Variants in GPR158 observed in about 807,000 individuals in gnomAD.
GPR158 encodes the protein G protein-coupled receptor 158.
A neutral mutation model predicts 78.2 loss-of-function variants in GPR158; 30 were observed. The ratio of observed to expected loss-of-function variants is 0.38; its 90% CI spans 0.29 to 0.52. The LOEUF (loss-of-function observed/expected upper bound fraction) is 0.52. GPR158 is among the 20% of genes least tolerant of loss of function. The pLI is 0.83. For synonymous variants in GPR158, 581 were observed against 591.1 expected, an observed-to-expected ratio of 0.98 and a Z score of 0.25; for missense variants, 1,463 against 1,523.5, an observed-to-expected ratio of 0.96 and a Z score of 0.66.
chr10:25,365,520 T>A lies in GPR158; in HGVS notation c.1009-30391T>A, dbSNP rs1229102681. 3.3e-5 allele frequency among the ~76,000 whole-genome samples: 5 copies of A among 151,700 alleles called. No individual in the cohort carries two copies. In the East Asian group the frequency reaches 9.7e-4, roughly 29 times the overall value. On this transcript the variant is annotated intron_variant, in intron 2 of 10. Transcript: ENST00000376351. The stretch of plus-strand genomic sequence containing the variant: ...CAAGTATTTGGTGCATGCAAACACA[T>A]TCTGAGTTTTGCATAATTCTTATAT...
chr10:25,194,101 TCAAGCTGGAGGCTGG>T (rs1356295679), intron 1 of GPR158, among the ~76,000 whole-genome samples: 2 of 152,194 alleles, frequency 1.3e-5, no homozygotes, highest in African/African-American at 4.8e-5. Context: ...CTGACTTCTT[TCAAGCTGGAGGCTGG>T]CAAGTCTGGT....
chr10:25,278,344 T>C (rs1356199475), intron 2 of GPR158, among the ~76,000 whole-genome samples: 1 of 152,058 alleles, frequency 6.6e-6, no homozygotes, highest in Admixed American at 6.6e-5. Context: ...ATTAATAAAC[T>C]GGAAGATTAA....
At chr10:25,471,278 G>A (rs573995990) in intron 5 of GPR158, among the ~76,000 whole-genome samples, 1 of 152,202 alleles carries the variant, frequency 6.6e-6, no homozygotes, top group African/African-American at 2.4e-5. Context: ...CCCCTGTGAA[G>A]GACATGAACT....
chr10:25,408,474 A>G (rs528029661), intron 3 of GPR158, among the ~76,000 whole-genome samples: 2 of 152,262 alleles, frequency 1.3e-5, no homozygotes, highest in Admixed American at 6.5e-5. Context: ...CTGTGTCTCA[A>G]ATCTGAATCT....
At chr10:25,283,456 TTGG>T (rs1197254111) in intron 2 of GPR158, among the ~76,000 whole-genome samples, 1 of 152,028 alleles carries the variant, frequency 6.6e-6, no homozygotes, top group Non-Finnish European at 1.5e-5. Context: ...AAATCAGACA[TTGG>T]TGATGACCTT....
chr10:25,592,013 A>G (rs16926162), intron 8 of GPR158, among the ~76,000 whole-genome samples: 6 of 152,026 alleles, frequency 3.9e-5, no homozygotes, highest in Non-Finnish European at 7.4e-5. Context: ...AATATTTATA[A>G]AGTCCAAGAA....
intron 7 of GPR158, among the ~76,000 whole-genome samples, chr10:25,584,731 T>G (rs987899287): frequency 2.6e-5 from 4 of 152,342 alleles, no homozygotes; most frequent in Non-Finnish European, 5.9e-5. Flanking sequence ...AGTGCATCAG[T>G]TTCAGATTAA....
chr10:25,552,310 A>G (rs1836736900), intron 6 of GPR158, among the ~76,000 whole-genome samples: 1 of 152,154 alleles, frequency 6.6e-6, no homozygotes, highest in Admixed American at 6.6e-5. Flanking sequence ...TCCCTCCGGC[A>G]TCCTTCTTCA....
chr10:25,450,079 A>T (rs35548799), intron 4 of GPR158, among the ~76,000 whole-genome samples: 1 of 151,998 alleles, frequency 6.6e-6, no homozygotes, highest in African/African-American at 2.4e-5. Context: ...CAGAAAAACA[A>T]AAAACTAAAA....
intron 2 of GPR158, among the ~76,000 whole-genome samples, chr10:25,227,936 G>C (rs1170105920): frequency 1.3e-5 from 2 of 152,130 alleles, no homozygotes; most frequent in African/African-American, 4.8e-5. Flanking sequence ...CTCAATGTTG[G>C]TGAGGATATT....
intron 1 of GPR158, among the ~76,000 whole-genome samples, chr10:25,193,373 G>A (rs950874569): frequency 3.0e-4 from 46 of 152,304 alleles, no homozygotes; most frequent in African/African-American, 9.1e-4. Flanking sequence ...GAGGAAGGAA[G>A]GATGAGAAGA....
intron 9 of GPR158, among the ~76,000 whole-genome samples, chr10:25,595,325 T>C (rs992094784): frequency 7.9e-5 from 12 of 152,228 alleles, no homozygotes; most frequent in Non-Finnish European, 1.5e-4. Flanking sequence ...AGTATTTGTA[T>C]AGATTATCTT....
intron 2 of GPR158, among the ~76,000 whole-genome samples, chr10:25,294,741 A>T (rs1854487443): frequency 6.7e-6 from 1 of 150,028 alleles, no homozygotes; most frequent in Non-Finnish European, 1.5e-5. Context: ...ATTGTCAAGA[A>T]CCTCCTTCTT....
At chr10:25,320,344 T>G (rs1184788810) in intron 2 of GPR158, among the ~76,000 whole-genome samples, 1 of 152,188 alleles carries the variant, frequency 6.6e-6, no homozygotes, top group Non-Finnish European at 1.5e-5. Flanking sequence ...ATCTTTAAGT[T>G]GCATCTTATT....
chr10:25,192,793 AAAT>A (rs1392056166), intron 1 of GPR158, among the ~76,000 whole-genome samples: 6 of 151,232 alleles, frequency 4.0e-5, no homozygotes, highest in Non-Finnish European at 7.4e-5. Context: ...TGATAAAAAA[AAAT>A]AAAAATCGAA....
Position 25,546,860 on chromosome 10 carries a change from C to G in GPR158, c.1405-4116C>G, listed in dbSNP as rs1245841619. 2.6e-5 allele frequency among the ~76,000 whole-genome samples: 4 copies of G among 152,036 alleles called. No individual in the cohort carries two copies. In the East Asian group the frequency reaches 5.8e-4, roughly 22 times the overall value. On this transcript the variant is annotated intron_variant, in intron 5 of 10. Coordinates refer to ENST00000376351, the MANE Select transcript of GPR158 (RefSeq NM_020752.3). ...CAGGAGAAAGCCAGGTACAAGTGAG[C>G]CGGGGGTTGTGCAAGGAATATCTAG...
intron 2 of GPR158, among the ~76,000 whole-genome samples, chr10:25,300,343 T>C (rs573268809): frequency 4.0e-4 from 61 of 152,300 alleles, no homozygotes; most frequent in African/African-American, 1.4e-3. Flanking sequence ...TCCATAGTCA[T>C]CTCCAGTTGA....
chr10:25,175,539 C>T lies in GPR158; in HGVS notation c.119C>T (p.Pro40Leu), dbSNP rs764541621. Residue 40 changes from proline to leucine, a missense_variant, in exon 1 of 11, where the codon CCG (proline) becomes CTG (leucine). Coordinates refer to ENST00000376351, the MANE Select transcript of GPR158 (RefSeq NM_020752.3). The surrounding 1 kb of genome is among the most constrained non-coding windows in gnomAD (Gnocchi z 6.4). ...GRPDSPRERT[P>L]KGKPHAQQPG... ...CCGGATTCCCCTCGAGAGAGGACCC[C>T]GAAGGGGAAGCCGCACGCCCAGCAG... 6.2e-7 allele frequency: 1 copy of T among 1,611,778 alleles called. No homozygotes were observed. The highest frequency in any genetic ancestry group is 1.7e-5 in the Admixed American group (1 of 60,004).
chr10:25,437,485 C>T (rs1389060007), intron 4 of GPR158, among the ~76,000 whole-genome samples: 2 of 152,166 alleles, frequency 1.3e-5, no homozygotes, highest in Non-Finnish European at 2.9e-5. Context: ...CTAGACCTCC[C>T]AAATTGCTGG....
Sources: allele counts gnomAD v4.1 joint callset (sites outside exome capture counted in the v4.1 genomes callset), GRCh38; gene constraint gnomAD v4.1.1; non-coding constraint Gnocchi (gnomAD v3.1); transcripts MANE v1.5; gene names NCBI Gene and HGNC (gene_info 2026-07-23, HGNC 2026-07-21).